Variants in KNTC1 observed in about 807,000 individuals in gnomAD.
KNTC1 encodes the protein kinetochore associated 1.
Under a neutral mutation model 314.4 loss-of-function variants are expected in KNTC1, and 253 were observed. The observed-to-expected ratio is 0.80, with a 90% CI of 0.73 to 0.89. The LOEUF is 0.89. Ranked by LOEUF, KNTC1 falls within the 40% of genes least tolerant of loss-of-function variation. The pLI is 0.00. For missense variants in KNTC1, 2,475 were observed against 2,572.9 expected (o/e 0.96, Z 0.82); for synonymous variants, 901 against 901.4 (o/e 1.00, Z 0.01).
At chr12:122,554,076 A>AAAAAAATATATATAT (rs370146333) in intron 16 of KNTC1, among the ~76,000 whole-genome samples, 46 of 109,034 alleles carry the variant, frequency 4.2e-4, no homozygotes, top group African/African-American at 1.8e-3. Flanking sequence ...AAAAAAAAAA[A>AAAAAAATATATATAT]ATATATATAT....
At chr12:122,572,178 G>T (rs550257032) in intron 24 of KNTC1, among the ~76,000 whole-genome samples, 18 of 152,182 alleles carry the variant, frequency 1.2e-4, no homozygotes, top group African/African-American at 3.9e-4. Context: ...GATCATTTGA[G>T]GTCAAGAGAT....
intron 53 of KNTC1, among the ~76,000 whole-genome samples, chr12:122,612,059 GTT>G (rs200553416): frequency 6.7e-6 from 1 of 148,506 alleles, no homozygotes; most frequent in Non-Finnish European, 1.5e-5. Flanking sequence ...GAACATTCTG[GTT>G]TTTTTTTGTG....
At chr12:122,548,026 T>C (rs1962919659) in intron 12 of KNTC1, 57 bp downstream of exon 12, 1 of 1,094,392 alleles carries the variant, frequency 9.1e-7, no homozygotes. Flanking sequence ...AAAGCATTAG[T>C]GAATACAAAA....
chr12:122,568,582 AT>A (rs1964491691), intron 21 of KNTC1, among the ~76,000 whole-genome samples: 1 of 152,232 alleles, frequency 6.6e-6, no homozygotes, highest in African/African-American at 2.4e-5. Flanking sequence ...CACGCCTATA[AT>A]CCCAGCACTT....
intron 43 of KNTC1, among the ~76,000 whole-genome samples, chr12:122,597,008 A>AT (rs973639388): frequency 1.3e-5 from 2 of 151,346 alleles, no homozygotes; most frequent in Non-Finnish European, 2.9e-5. Context: ...TTGTTTATGA[A>AT]TTTTTTCTAC....
chr12:122,612,939 G>A, intron 53 of KNTC1, 173 bp from the exon 54 acceptor site: 1 of 569,282 alleles, frequency 1.8e-6, no homozygotes, highest in East Asian at 2.9e-5. Flanking sequence ...CCCCTTCAGG[G>A]GTCCATGGAC....
At position 122,613,207 on chromosome 12, in the gene KNTC1, T is replaced by TA; in HGVS notation, c.5724dup (p.Pro1909ThrfsTer3). 1 of 1,602,030 alleles carries TA rather than the reference T, an allele frequency of 6.2e-7. No homozygotes were observed. The highest frequency in any genetic ancestry group is 1.1e-5 in the South Asian group (1 of 90,436). On this transcript the variant is annotated frameshift_variant, in exon 54 of 64. Transcript: ENST00000333479. LOFTEE classifies it high-confidence loss of function. Reference sequence around the variant, plus strand: ...ACAAGGAAACTATAGAATCTCTCTTTAAAAAACCCATTGAAGAAGTGAAGT... The same window carrying TA: ...ACAAGGAAACTATAGAATCTCTCTTTAAAAAAACCCATTGAAGAAGTGAAGT...
In KNTC1 at chr12:122,597,780, C is replaced by A. The variant is rs765773088; in HGVS notation, c.4405C>A (p.Leu1469Met). The change falls in exon 44 of 64, where the codon CTG (leucine) becomes ATG (methionine). Residue 1469 changes from leucine to methionine, a missense_variant. Transcript: ENST00000333479. The stretch of plus-strand genomic sequence containing the variant: ...AGTTCTTCAGCTCTTCATTGAAACG[C>A]TGCTCCACAACACAAATGCCGGCCA... ...DAVLQLFIET[L>M]LHNTNAGQGQ... 3 of 1,613,996 alleles carry A rather than the reference C, an allele frequency of 1.9e-6. No individual in the cohort carries two copies. In the South Asian group the frequency reaches 3.3e-5, roughly 18 times the overall value.
intron 20 of KNTC1, among the ~76,000 whole-genome samples, chr12:122,567,236 T>A (rs142778302): frequency 1.3e-5 from 2 of 151,754 alleles, no homozygotes; most frequent in African/African-American, 4.8e-5. Context: ...ACACCGGCTA[T>A]TTTTTGTATT....
chr12:122,602,350 A>G (rs544589953), intron 45 of KNTC1: 38 of 382,468 alleles, frequency 9.9e-5, no homozygotes, highest in African/African-American at 6.9e-4. Flanking sequence ...ACAACAGGGC[A>G]CCAGTGGTTT....
At chr12:122,571,679 T>A (rs1193157847) in intron 24 of KNTC1, among the ~76,000 whole-genome samples, 1 of 150,580 alleles carries the variant, frequency 6.6e-6, no homozygotes, top group African/African-American at 2.4e-5. Flanking sequence ...ATTATTATTA[T>A]TTTTTTTTGA....
chr12:122,538,286 T>C (rs1962006460), intron 3 of KNTC1, 53 bp from the exon 4 acceptor site: 2 of 1,052,912 alleles, frequency 1.9e-6, no homozygotes, highest in African/African-American at 3.2e-5. Flanking sequence ...TTTTTTTGTA[T>C]TGAAAATAAA....
Position 122,615,457 on chromosome 12 carries a change from T to A in KNTC1, c.5974-13T>A. On this transcript the variant is annotated splice_polypyrimidine_tract_variant and intron_variant, in intron 56 of 63. Transcript: ENST00000333479. ...GTGGTCTTTAGAACTTTTTTATTTT[T>A]AATTTTTTACAGATTCCTTATCTAA... 1 of 1,503,108 alleles carries A rather than the reference T, an allele frequency of 6.7e-7. No individual in the cohort carries two copies. The highest frequency in any genetic ancestry group is 8.9e-7 in the Non-Finnish European group (1 of 1,121,766). 93.1% of individuals were successfully genotyped at this position (1,503,108 alleles called of 1,614,324 possible). A position where few individuals can be genotyped will look rare whatever the true frequency, so the allele number is the denominator to read the frequency against.
At chr12:122,595,641 A>G (rs573672568) in intron 43 of KNTC1, among the ~76,000 whole-genome samples, 1 of 152,376 alleles carries the variant, frequency 6.6e-6, no homozygotes, top group South Asian at 2.1e-4. Context: ...TCGAAGGAGC[A>G]CTGACTTAAA....
chr12:122,542,724 G>A (rs981662528), intron 6 of KNTC1, among the ~76,000 whole-genome samples: 3 of 151,832 alleles, frequency 2.0e-5, no homozygotes, highest in Non-Finnish European at 2.9e-5. Context: ...AGATCACGCT[G>A]TTGCACTCCA....
chr12:122,582,805 C>T lies in KNTC1; in HGVS notation c.3083C>T (p.Ala1028Val), dbSNP rs759752691. 105 of 1,612,240 alleles carry T rather than the reference C, an allele frequency of 6.5e-5. No individual in the cohort carries two copies. The highest frequency in any genetic ancestry group is 6.7e-5 in the African/African-American group (5 of 74,826). The change falls in exon 34 of 64, where the codon GCG (alanine) becomes GTG (valine). Residue 1028 changes from alanine (A) to valine (V), a missense_variant. Coordinates refer to ENST00000333479, the MANE Select transcript of KNTC1 (RefSeq NM_014708.6). ...QHIKAHEVAQ[A>V]KHKPGSTPEP... is the part of the protein sequence containing the mutation. The stretch of plus-strand genomic sequence containing the variant: ...ATTAAAGCTCACGAAGTTGCACAGG[C>T]GAAACACAAACCTGGGAGCACCCCA...
intron 20 of KNTC1, among the ~76,000 whole-genome samples, chr12:122,566,246 C>T (rs1234837855): frequency 1.4e-5 from 2 of 139,310 alleles, no homozygotes; most frequent in Admixed American, 7.2e-5. Context: ...CGGCCTAAAT[C>T]TTTTTTTTTT....
chr12:122,548,043 G>A (rs1962920908), intron 12 of KNTC1, 74 bp downstream of exon 12: 1 of 871,378 alleles, frequency 1.1e-6, no homozygotes, highest in Non-Finnish European at 1.8e-6. Flanking sequence ...AAAAGTAGAT[G>A]TTAAATAGTA....
rs748077226 is a variant in KNTC1, at chr12:122,557,549, C to G, written c.1398+40C>G. The G allele has an allele frequency of 7.4e-6, 12 of 1,610,932 alleles. No homozygotes were observed. In the Admixed American group the frequency reaches 1.8e-4, roughly 25 times the overall value. Reference sequence around the variant, plus strand: ...TCACATACTACAGTATTTAGATTGACGTGTTGATCAACATTAGGTTGCCTT... The same window carrying G: ...TCACATACTACAGTATTTAGATTGAGGTGTTGATCAACATTAGGTTGCCTT... On this transcript the variant is annotated intron_variant, in intron 17 of 63. Coordinates refer to ENST00000333479, the MANE Select transcript of KNTC1 (RefSeq NM_014708.6).
Sources: gnomAD v4.1 joint callset for allele counts (sites outside exome capture counted in the v4.1 genomes callset) on GRCh38, gnomAD v4.1.1 for gene constraint, MANE v1.5 for transcripts, NCBI Gene and HGNC (gene_info 2026-07-23, HGNC 2026-07-21) for gene names.